Variants in MGA observed in about 807,000 individuals in gnomAD.
The protein encoded by MGA is MAX gene-associated protein.
Under a neutral mutation model 261.1 loss-of-function variants are expected in MGA, and 40 were observed. That is an observed-to-expected ratio of 0.15 (90% confidence interval 0.12 to 0.20). The LOEUF (loss-of-function observed/expected upper bound fraction) is 0.20. Among genes scored for constraint, MGA ranks in the 10% least tolerant of loss-of-function variants. The pLI, the probability that MGA is intolerant of heterozygous loss-of-function variation, is 1.00. For synonymous variants in MGA, 1,302 were observed against 1,290.6 expected, an observed-to-expected ratio of 1.01 and a Z score of -0.19; for missense variants, 3,397 against 3,630.5, an observed-to-expected ratio of 0.94 and a Z score of 1.65.
intron 9 of MGA, among the ~76,000 whole-genome samples, chr15:41,721,503 G>A (rs979591058): frequency 1.5e-4 from 23 of 152,196 alleles, no homozygotes; most frequent in South Asian, 2.1e-4. Flanking sequence ...TAATATCTAA[G>A]GACCTATATC....
chr15:41,637,844 A>G (rs1267572084), intron 1 of MGA, among the ~76,000 whole-genome samples: 4 of 151,520 alleles, frequency 2.6e-5, no homozygotes, highest in African/African-American at 9.7e-5. Context: ...TCCCGGCTTC[A>G]AGAGATTCTC....
chr15:41,707,695 T>C, intron 5 of MGA, 33 bp from the exon 6 acceptor site: 1 of 1,564,518 alleles, frequency 6.4e-7, no homozygotes, highest in Non-Finnish European at 8.7e-7. Context: ...TTCTGATTAA[T>C]CTATGGAAAT....
intron 9 of MGA, among the ~76,000 whole-genome samples, chr15:41,719,603 G>T (rs1435525005): frequency 6.6e-6 from 1 of 152,066 alleles, no homozygotes; most frequent in Non-Finnish European, 1.5e-5. Flanking sequence ...TTAGCCTGGT[G>T]TGGTGGTATG....
rs1378059955 is a variant in MGA at position 41,748,811 on chromosome 15, G to T, written c.5387G>T (p.Ser1796Ile). 6.2e-7 allele frequency: 1 copy of T among 1,613,958 alleles called. No individual in the cohort carries two copies. The change falls in exon 16 of 24, where the codon AGT becomes ATT. Residue 1796 changes from serine (S) to isoleucine (I), a missense_variant. Coordinates refer to ENST00000219905, the MANE Select transcript of MGA (RefSeq NM_001164273.2). ...GTCTTGCAGCCTGTTAGGAGTCCAAGTGGAATGAACTTATTCAGGCACCCT... is the reference window on the plus strand; with the variant it reads ...GTCTTGCAGCCTGTTAGGAGTCCAATTGGAATGAACTTATTCAGGCACCCT...
chr15:41,688,762 C>T (rs1488794314), intron 2 of MGA, among the ~76,000 whole-genome samples: 2 of 152,102 alleles, frequency 1.3e-5, no homozygotes, highest in Non-Finnish European at 2.9e-5. Flanking sequence ...TCTACTCAGG[C>T]TGCCATAACA....
rs570533665 is a variant in MGA at position 41,707,851 on chromosome 15, C to G, written c.2312C>G (p.Ala771Gly). 3 of 1,612,846 alleles carry G rather than the reference C, an allele frequency of 1.9e-6. No homozygotes were observed. The highest frequency in any genetic ancestry group is 1.7e-4 in the Middle Eastern group (1 of 6,056). ...TGGAACCTTACAGGAACCAACCCTG[C>G]CTCTCCTGGTGAGTATGTAACATTT... Residue 771 changes from alanine (A) to glycine (G), a missense_variant, in exon 6 of 24, where the codon GCC (alanine) becomes GGC (glycine). Ala to Gly is a moderately conservative substitution (Grantham distance 60). Coordinates refer to ENST00000219905, the MANE Select transcript of MGA (RefSeq NM_001164273.2).
At chr15:41,748,573 CT>C (rs1277110865) in intron 15 of MGA, 63 bp from the exon 16 acceptor site, 19 of 1,499,168 alleles carry the variant, frequency 1.3e-5, no homozygotes, top group Admixed American at 4.2e-5. Context: ...ATTATGAATA[CT>C]TTTTTTTCCT....
chr15:41,762,640 T>A (rs1225230964), intron 22 of MGA, among the ~76,000 whole-genome samples: 1 of 151,930 alleles, frequency 6.6e-6, no homozygotes, highest in Admixed American at 6.6e-5. Context: ...TTTGTTTTTT[T>A]AATTTTTTAG....
chr15:41,752,133 A>G (rs956883042), intron 17 of MGA: 1 of 152,182 alleles, frequency 6.6e-6, no homozygotes, highest in South Asian at 2.1e-4. Flanking sequence ...CTGGGGCTCA[A>G]GCAATTCTCC....
chr15:41,733,679 G>C (rs1442661113), intron 11 of MGA, among the ~76,000 whole-genome samples: 2 of 152,068 alleles, frequency 1.3e-5, no homozygotes, highest in Non-Finnish European at 2.9e-5. Flanking sequence ...CATAGCATGA[G>C]GGCACAAAGA....
In MGA at chr15:41,725,834, CAAAAAA is replaced by C. The variant is rs1204528358; in HGVS notation, c.3431-1329_3431-1324del. On this transcript the variant is annotated intron_variant, in intron 9 of 23. Transcript: ENST00000219905. The stretch of plus-strand genomic sequence containing the variant: ...TGGGCGACAGAGCGAGACTCCGTCT[CAAAAAA>C]AAAAAAAAAAAAAAAATAAATAAAT... Among the ~76,000 whole-genome samples, 10 of 9,036 alleles carry C rather than the reference CAAAAAA, an allele frequency of 1.1e-3. 2 individuals are homozygous for C. Among genetic ancestry groups the C allele is most frequent in the African/African-American group, 3.2e-3 (10 of 3,118 alleles). 5.9% of individuals were successfully genotyped at this position (9,036 alleles called of 152,430 possible).
chr15:41,700,484 A>T (rs541227830), intron 5 of MGA, among the ~76,000 whole-genome samples: 1 of 152,226 alleles, frequency 6.6e-6, no homozygotes, highest in Admixed American at 6.5e-5. Flanking sequence ...TTACGAGTGA[A>T]AACATGCAGT....
At chr15:41,648,406 C>T (rs2056975991) in intron 1 of MGA, among the ~76,000 whole-genome samples, 1 of 152,146 alleles carries the variant, frequency 6.6e-6, no homozygotes, top group African/African-American at 2.4e-5. Context: ...ATGGCAAATG[C>T]TGTGTATATG....
intron 17 of MGA, among the ~76,000 whole-genome samples, chr15:41,753,371 TAAACAC>T (rs1319191265): frequency 3.4e-5 from 5 of 145,368 alleles, no homozygotes; most frequent in Non-Finnish European, 6.1e-5. Flanking sequence ...TCTGGCATAG[TAAACAC>T]TTTTTTTTTT....
chr15:41,715,014 G>C (rs4628935), intron 9 of MGA, among the ~76,000 whole-genome samples: 2,720 of 151,778 alleles, frequency 0.018, 81 homozygotes, highest in African/African-American at 0.063. Flanking sequence ...ATATTTTCTA[G>C]GTTATAATTT....
intron 17 of MGA, among the ~76,000 whole-genome samples, chr15:41,753,149 C>A (rs1357203751): frequency 3.3e-5 from 5 of 152,172 alleles, no homozygotes; most frequent in Non-Finnish European, 5.9e-5. Context: ...GTAGCTCTCG[C>A]CTGTAATTCC....
At chr15:41,697,413 CTTTTCTTTTT>C (rs2059596873) in intron 3 of MGA, among the ~76,000 whole-genome samples, 4 of 133,472 alleles carry the variant, frequency 3.0e-5, no homozygotes, top group African/African-American at 1.2e-4. Flanking sequence ...TTTTATTTTT[CTTTTCTTTTT>C]TTTTTTTTTT....
chr15:41,709,346 TCAAA>T (rs926466945), intron 7 of MGA, among the ~76,000 whole-genome samples: 13 of 152,060 alleles, frequency 8.5e-5, no homozygotes, highest in East Asian at 3.9e-4. Flanking sequence ...AGACCCTGTC[TCAAA>T]CAAACAAACA....
intron 8 of MGA, among the ~76,000 whole-genome samples, chr15:41,711,760 A>G (rs921611272): frequency 2.6e-5 from 4 of 152,078 alleles, no homozygotes; most frequent in Non-Finnish European, 5.9e-5. Flanking sequence ...CAGTGGCAGG[A>G]TCTCAGCTCA....
Sources: gnomAD v4.1 joint callset for allele counts (sites outside exome capture counted in the v4.1 genomes callset) on GRCh38, gnomAD v4.1.1 for gene constraint, MANE v1.5 for transcripts, NCBI Gene and HGNC (gene_info 2026-07-23, HGNC 2026-07-21) for gene names.